ZNF701: variants seen among roughly 807,000 people sequenced by gnomAD.
ZNF701 encodes zinc finger protein 701.
In ZNF701, 6 loss-of-function variants were observed where a neutral mutation model predicts 7.1. The ratio of observed to expected loss-of-function variants is 0.84; its 90% CI spans 0.46 to 1.66. The LOEUF is 1.66. Ranked by LOEUF, ZNF701 falls within the 40% of genes most tolerant of loss-of-function variation. The pLI, the probability that ZNF701 is intolerant of heterozygous loss-of-function variation, is 0.01. For synonymous variants in ZNF701, 166 were observed against 188.2 expected (o/e 0.88, Z 0.97); for missense variants, 541 against 559.2 (o/e 0.97, Z 0.33).
chr19:52,571,135 A>C (rs1287869588), intron 1 of ZNF701, among the ~76,000 whole-genome samples: 1 of 152,056 alleles, frequency 6.6e-6, no homozygotes, highest in African/African-American at 2.4e-5. Context: ...AGGAGGAGAA[A>C]AGCAACTGGA....
chr19:52,578,641 A>G (rs1366285479), intron 3 of ZNF701, among the ~76,000 whole-genome samples: 1 of 152,270 alleles, frequency 6.6e-6, no homozygotes, highest in Non-Finnish European at 1.5e-5. Flanking sequence ...TACAGGCGTG[A>G]GCCGCCAAGC....
chr19:52,596,815 A>G, the ZNF701 span: 4 of 539,552 alleles, frequency 7.4e-6, no homozygotes, highest in South Asian at 5.5e-5. Flanking sequence ...TTTTTAGTAG[A>G]AAAGCACACC....
intron 1 of ZNF701, chr19:52,572,951 G>C: frequency 3.5e-6 from 1 of 284,570 alleles, no homozygotes; most frequent in South Asian, 3.2e-5. Flanking sequence ...TTCTCCTTCA[G>C]GTCCTGGCTC....
chr19:52,578,903 T>G (rs563032434), intron 3 of ZNF701, among the ~76,000 whole-genome samples: 103 of 151,642 alleles, frequency 6.8e-4, no homozygotes, highest in South Asian at 2.5e-3. Flanking sequence ...GACTACAGGC[T>G]CCCGCCACCG....
chr19:52,572,723 C>A, intron 1 of ZNF701: 1 of 353,758 alleles, frequency 2.8e-6, no homozygotes, highest in Non-Finnish European at 5.4e-6. Flanking sequence ...CTGTGTTCCC[C>A]AGGACAAAAG....
the ZNF701 span, chr19:52,596,037 C>A: frequency 6.9e-7 from 1 of 1,455,642 alleles, no homozygotes; most frequent in Non-Finnish European, 9.6e-7. Flanking sequence ...ACCCATATTT[C>A]TATTAAGTAT....
rs2060014257 is a variant in ZNF701 at position 52,586,693 on chromosome 19, C to T, written c.*3236C>T. ...TTGGTGAAACGTCCCCCGCTGTGAA[C>T]CTCAGTGAGCCCACCTGTAATATAC... On this transcript the variant is annotated 3_prime_UTR_variant, in exon 4 of 4. Coordinates refer to ENST00000391785, the MANE Select transcript of ZNF701 (RefSeq NM_018260.3). 1 of 152,150 alleles carries T rather than the reference C, an allele frequency of 6.6e-6. No homozygotes were observed. 9.4% of individuals were successfully genotyped at this position (152,150 alleles called of 1,614,324 possible). A position where few individuals can be genotyped will look rare whatever the true frequency, so the allele number is the denominator to read the frequency against.
the ZNF701 span, chr19:52,597,430 A>G: frequency 1.2e-5 from 6 of 502,684 alleles, no homozygotes; most frequent in African/African-American, 3.9e-5. Flanking sequence ...TGTTCCAAAT[A>G]CAGTGACTAT....
chr19:52,583,199 A>G lies in ZNF701; in HGVS notation c.1140A>G (p.Lys380=), dbSNP rs1367767784. The G allele has an allele frequency of 1.9e-6, 3 of 1,611,128 alleles. No individual in the cohort carries two copies. Among genetic ancestry groups the G allele is most frequent in the African/African-American group, 2.7e-5 (2 of 74,072 alleles). Residue 380 remains lysine (K), a synonymous_variant, in exon 4 of 4, where the codon AAA becomes AAG. Coordinates refer to ENST00000391785, the MANE Select transcript of ZNF701 (RefSeq NM_018260.3). The part of the protein sequence containing the change: ...AQHTVIHTGE[K]PYKCNECGKT... ...ATACTGTAATTCACACTGGAGAGAA[A>G]CCTTACAAGTGTAATGAGTGTGGCA...
rs1226177511 is a variant in ZNF701, at chr19:52,584,057, G to A, written c.*600G>A. The A allele has an allele frequency of 4.4e-6, 2 of 452,166 alleles. No homozygotes were observed. The highest frequency in any genetic ancestry group is 4.5e-6 in the Non-Finnish European group (1 of 220,576). The allele number at this position is 452,166 out of a possible 1,614,324, so 28.0% of individuals were successfully genotyped here. A position where few individuals can be genotyped will look rare whatever the true frequency, so the allele number is the denominator to read the frequency against. ...AACCTCACAAGTGTGATGATTGTGA[G>A]CAAAGCCTTTACTTCACGTTCACAC... On this transcript the variant is annotated 3_prime_UTR_variant, in exon 4 of 4. Transcript: ENST00000391785.
downstream of ZNF701, among the ~76,000 whole-genome samples, chr19:52,590,283 T>C (rs899802301): frequency 2.0e-5 from 3 of 149,264 alleles, no homozygotes; most frequent in African/African-American, 7.4e-5. Context: ...GTATTTTCAG[T>C]AGAGACAGGG....
chr19:52,595,953 T>C, the ZNF701 span: 7 of 1,611,794 alleles, frequency 4.3e-6, no homozygotes, highest in South Asian at 1.1e-5. Context: ...CAAGGGAAAA[T>C]TGGTAATCAA....
chr19:52,585,723 C>T lies in ZNF701; in HGVS notation c.*2266C>T, dbSNP rs2060006794. 2 of 151,686 alleles carry T rather than the reference C, an allele frequency of 1.3e-5. No individual in the cohort carries two copies. Among genetic ancestry groups the T allele is most frequent in the Non-Finnish European group, 2.9e-5 (2 of 67,894 alleles). 9.4% of individuals were successfully genotyped at this position (151,686 alleles called of 1,614,324 possible). On this transcript the variant is annotated 3_prime_UTR_variant, in exon 4 of 4. Transcript: ENST00000391785. ...TTTTTTTGAGGTCCCTATGGGCTACCCCTTATCTGGATGAAGAATTTGGCC... is the reference window on the plus strand; with the variant it reads ...TTTTTTTGAGGTCCCTATGGGCTACTCCTTATCTGGATGAAGAATTTGGCC...
downstream of ZNF701, among the ~76,000 whole-genome samples, chr19:52,589,678 C>T (rs1025555478): frequency 6.6e-6 from 1 of 152,078 alleles, no homozygotes; most frequent in Admixed American, 6.6e-5. Flanking sequence ...TGGTGTTTCA[C>T]CATGATGGCC....
rs750195295 is a variant in ZNF701 at position 52,582,546 on chromosome 19, C to G, written c.487C>G (p.Gln163Glu). ...TCACCCCGAAGGGAAAATTGGTAATCAAGTTGAGAAGGCTATCAACGATGC... is the reference window on the plus strand; with the variant it reads ...TCACCCCGAAGGGAAAATTGGTAATGAAGTTGAGAAGGCTATCAACGATGC... ...IFHPEGKIGN[Q>E]VEKAINDAFS... Residue 163 changes from glutamine (Q) to glutamate (E), a missense_variant, in exon 4 of 4, where the codon CAA becomes GAA. Transcript: ENST00000391785. 8.1e-6 allele frequency: 13 copies of G among 1,614,136 alleles called. No individual in the cohort carries two copies. Among genetic ancestry groups the G allele is most frequent in the Non-Finnish European group, 1.1e-5 (13 of 1,180,028 alleles).
At chr19:52,589,497 A>G, downstream of ZNF701, among the ~76,000 whole-genome samples, 1 of 78,890 alleles carries the variant, frequency 1.3e-5, no homozygotes. Context: ...TTTTTCTTTT[A>G]AGACGGAGTT....
At position 52,584,948 on chromosome 19, in the gene ZNF701, T is replaced by G. The variant is rs907676886; in HGVS notation, c.*1491T>G. 5 of 152,320 alleles carry G rather than the reference T, an allele frequency of 3.3e-5. No homozygotes were observed. The highest frequency in any genetic ancestry group is 4.8e-5 in the African/African-American group (2 of 41,478). 9.4% of individuals were successfully genotyped at this position (152,320 alleles called of 1,614,324 possible). A position where few individuals can be genotyped will look rare whatever the true frequency, so the allele number is the denominator to read the frequency against. On this transcript the variant is annotated 3_prime_UTR_variant, in exon 4 of 4. Transcript: ENST00000391785. ...GGCACAGACCCGGAAGCTGATGGCA[T>G]GGACTGAAGGTTGCCCCGTTGAGTT...
chr19:52,585,805 C>G lies in ZNF701; in HGVS notation c.*2348C>G, dbSNP rs948314328. 2 of 152,266 alleles carry G rather than the reference C, an allele frequency of 1.3e-5. No individual in the cohort carries two copies. The highest frequency in any genetic ancestry group is 4.8e-5 in the African/African-American group (2 of 41,474). 9.4% of individuals were successfully genotyped at this position (152,266 alleles called of 1,614,324 possible). ...CCTGAGGCCAGAGCAGATGGGTGCC[C>G]TATGCAGATGAAGGGGTGGCCGGTG... On this transcript the variant is annotated 3_prime_UTR_variant, in exon 4 of 4. Coordinates refer to ENST00000391785, the MANE Select transcript of ZNF701 (RefSeq NM_018260.3).
the ZNF701 span, among the ~76,000 whole-genome samples, chr19:52,592,397 T>A: frequency 0.012 from 1,785 of 152,326 alleles, 34 homozygotes; most frequent in African/African-American, 0.04. Flanking sequence ...TCTTAGAGAC[T>A]CCCTTATGGA....
Sources: gnomAD v4.1 joint callset for allele counts (sites outside exome capture counted in the v4.1 genomes callset) on GRCh38, gnomAD v4.1.1 for gene constraint, MANE v1.5 for transcripts, NCBI Gene and HGNC (gene_info 2026-07-23, HGNC 2026-07-21) for gene names.